The following EPN2 variants were observed in gnomAD, a reference collection of about 807,000 sequenced individuals.
EPN2 encodes epsin-2.
In EPN2, 34 loss-of-function variants were observed where a neutral mutation model predicts 61.7. That is an observed-to-expected ratio of 0.55 (90% CI 0.42 to 0.73). The LOEUF (loss-of-function observed/expected upper bound fraction) is 0.73, where lower values mean the gene tolerates loss of function less well. EPN2 is among the 30% of genes least tolerant of loss of function. The pLI, the probability that EPN2 is intolerant of heterozygous loss-of-function variation, is 0.00. For missense variants in EPN2, 714 were observed against 839.2 expected, an observed-to-expected ratio of 0.85 and a Z score of 1.84; for synonymous variants, 349 against 353.6, an observed-to-expected ratio of 0.99 and a Z score of 0.15.
intron 1 of EPN2, among the ~76,000 whole-genome samples, chr17:19,244,030 G>A (rs947899505): frequency 9.2e-5 from 14 of 152,190 alleles, no homozygotes; most frequent in Non-Finnish European, 2.1e-4. Flanking sequence ...GATGGATGGC[G>A]TGACATTTGG....
At chr17:19,249,122 G>A (rs1038537409) in intron 1 of EPN2, among the ~76,000 whole-genome samples, 3 of 152,242 alleles carry the variant, frequency 2.0e-5, no homozygotes, top group African/African-American at 4.8e-5. Context: ...TGGTTTTCAC[G>A]TAGCCTTTTG....
chr17:19,238,160 G>A (rs963293898), intron 1 of EPN2, among the ~76,000 whole-genome samples: 1 of 152,226 alleles, frequency 6.6e-6, no homozygotes, highest in Non-Finnish European at 1.5e-5. Context: ...GGGGGCGGAA[G>A]AGCCAGGCTC....
chr17:19,326,741 C>A (rs1184079669), intron 7 of EPN2, among the ~76,000 whole-genome samples: 1 of 148,060 alleles, frequency 6.8e-6, no homozygotes, highest in Non-Finnish European at 1.5e-5. Flanking sequence ...GTAGAGAGCC[C>A]AGTAATAAGC....
chr17:19,323,260 AAG>A (rs772224303), intron 7 of EPN2, among the ~76,000 whole-genome samples: 7 of 152,360 alleles, frequency 4.6e-5, no homozygotes, highest in Non-Finnish European at 7.3e-5. Context: ...AAGAGAAAAT[AAG>A]AGGGCCGGAG....
At chr17:19,288,828 C>T (rs568407528) in intron 4 of EPN2, among the ~76,000 whole-genome samples, 2 of 152,326 alleles carry the variant, frequency 1.3e-5, no homozygotes, top group Middle Eastern at 3.4e-3. Flanking sequence ...CTGTGCTTAC[C>T]TTGCAGACCA....
chr17:19,258,417 G>T (rs1226408544), intron 1 of EPN2, among the ~76,000 whole-genome samples: 1 of 152,112 alleles, frequency 6.6e-6, no homozygotes, highest in African/African-American at 2.4e-5. Flanking sequence ...TGCCTTCCTG[G>T]GTGAGAGTCG....
intron 4 of EPN2, among the ~76,000 whole-genome samples, chr17:19,301,752 C>A (rs1481071904): frequency 6.6e-6 from 1 of 152,258 alleles, no homozygotes; most frequent in Non-Finnish European, 1.5e-5. Context: ...CGCCTCCTGT[C>A]AGAGCATAGC....
intron 4 of EPN2, 120 bp from the exon 5 acceptor site, chr17:19,309,765 G>A (rs893863567): frequency 5.6e-5 from 40 of 716,310 alleles, no homozygotes; most frequent in African/African-American, 4.2e-4. Context: ...GCATTGTTGG[G>A]CTACTGCTGG....
intron 1 of EPN2, among the ~76,000 whole-genome samples, chr17:19,237,794 T>A (rs1266073917): frequency 2.0e-5 from 3 of 151,764 alleles, no homozygotes; most frequent in African/African-American, 7.3e-5. Context: ...TCTCCCCCCT[T>A]ACCCGTCCCT....
rs1905545461 is a variant in EPN2, at chr17:19,301,993, C to T, written c.767-7892C>T. Among the ~76,000 whole-genome samples the T allele has an allele frequency of 2.0e-5, 3 of 152,228 alleles. No individual in the cohort carries two copies. In the South Asian group the frequency reaches 6.2e-4, roughly 32 times the overall value. On this transcript the variant is annotated intron_variant, in intron 4 of 10. Transcript: ENST00000314728. Reference sequence around the variant, plus strand: ...AGGTCCTGAGTCTTGGCTCTGAGTTCTCATCCTGCCCCTGGGCGGCTGTGA... The same window carrying T: ...AGGTCCTGAGTCTTGGCTCTGAGTTTTCATCCTGCCCCTGGGCGGCTGTGA...
chr17:19,268,954 C>G (rs1219974822), intron 1 of EPN2, among the ~76,000 whole-genome samples: 1 of 152,126 alleles, frequency 6.6e-6, no homozygotes, highest in African/African-American at 2.4e-5. Context: ...ACTGAAAACC[C>G]AATACCAGGG....
At chr17:19,243,245 A>G (rs1597965109) in intron 1 of EPN2, among the ~76,000 whole-genome samples, 2 of 133,590 alleles carry the variant, frequency 1.5e-5, no homozygotes, top group South Asian at 2.4e-4. Flanking sequence ...TTTGAGACAG[A>G]GTCTTGTTCT....
intron 1 of EPN2, among the ~76,000 whole-genome samples, chr17:19,262,918 A>T (rs1441105986): frequency 6.6e-6 from 1 of 152,226 alleles, no homozygotes; most frequent in Non-Finnish European, 1.5e-5. Context: ...ATGGGCCAGA[A>T]CTTCCTTTTT....
rs61604929 is a variant in EPN2, at chr17:19,334,398, T to G, written c.*144T>G. 1,446 of 616,664 alleles carry G rather than the reference T, an allele frequency of 2.3e-3. 12 individuals carry two copies. The African/African-American group carries it at 0.025, about 11-fold the overall frequency. The allele number at this position is 616,664 out of a possible 1,614,324, so 38.2% of individuals were successfully genotyped here. ...AGCTTCCTGATGAAAGGGCTGTCTTTACAGCCCCAACCCTCAGACCCTCGC... is the reference window on the plus strand; with the variant it reads ...AGCTTCCTGATGAAAGGGCTGTCTTGACAGCCCCAACCCTCAGACCCTCGC... On this transcript the variant is annotated 3_prime_UTR_variant, in exon 11 of 11. Coordinates refer to ENST00000314728, the MANE Select transcript of EPN2 (RefSeq NM_014964.5). The surrounding 1 kb of genome is among the most constrained non-coding windows in gnomAD (Gnocchi z 4.9).
chr17:19,284,006 C>T (rs1304955749), intron 3 of EPN2, among the ~76,000 whole-genome samples: 1 of 152,234 alleles, frequency 6.6e-6, no homozygotes, highest in Non-Finnish European at 1.5e-5. Flanking sequence ...GTCTTTTCTG[C>T]TTCCTTGTCA....
intron 7 of EPN2, chr17:19,313,514 C>T (rs1356184190): frequency 4.7e-6 from 2 of 422,112 alleles, no homozygotes; most frequent in Non-Finnish European, 8.4e-6. Context: ...GAAAGTCAAC[C>T]TCCCCTCAAC....
At chr17:19,321,213 C>T (rs1906622312) in intron 7 of EPN2, among the ~76,000 whole-genome samples, 1 of 152,128 alleles carries the variant, frequency 6.6e-6, no homozygotes, top group Non-Finnish European at 1.5e-5. Context: ...TGTGATGCTG[C>T]CCTCAGCTTG....
intron 7 of EPN2, among the ~76,000 whole-genome samples, chr17:19,327,955 A>G (rs993637638): frequency 2.6e-5 from 4 of 152,224 alleles, no homozygotes; most frequent in Non-Finnish European, 5.9e-5. Flanking sequence ...GTACTCATGT[A>G]TACACAAATC....
At chr17:19,258,590 A>C (rs1448844795) in intron 1 of EPN2, among the ~76,000 whole-genome samples, 1 of 152,238 alleles carries the variant, frequency 6.6e-6, no homozygotes, top group African/African-American at 2.4e-5. Context: ...AAGGGAAAAC[A>C]GGCCAATTCC....
Sources: allele counts gnomAD v4.1 joint callset (sites outside exome capture counted in the v4.1 genomes callset), GRCh38; gene constraint gnomAD v4.1.1; non-coding constraint Gnocchi (gnomAD v3.1); transcripts MANE v1.5; gene names NCBI Gene and HGNC (gene_info 2026-07-23, HGNC 2026-07-21).